TRIM24: variants seen among roughly 807,000 people sequenced by gnomAD.
TRIM24 encodes the protein transcription intermediary factor 1-alpha.
In TRIM24, 29 loss-of-function variants were observed where a neutral mutation model predicts 123.9. The observed-to-expected ratio is 0.23, with a 90% CI of 0.17 to 0.32. TRIM24 has a LOEUF of 0.32. Ranked by LOEUF, TRIM24 falls within the 10% of genes least tolerant of loss-of-function variation. TRIM24 has a pLI of 1.00. For missense variants in TRIM24, 932 were observed against 1,295.3 expected (o/e 0.72, Z 4.31); for synonymous variants, 456 against 461.1 (o/e 0.99, Z 0.14).
intron 2 of TRIM24, among the ~76,000 whole-genome samples, chr7:138,511,599 A>G (rs1317604585): frequency 1.3e-5 from 2 of 152,016 alleles, no homozygotes; most frequent in Non-Finnish European, 2.9e-5. Context: ...CATGCCACAC[A>G]CTTTTAAATG....
chr7:138,490,342 G>A lies in TRIM24; in HGVS notation c.365-13948G>A, dbSNP rs1323224925. On this transcript the variant is annotated intron_variant, in intron 1 of 18. Coordinates refer to ENST00000343526, the MANE Select transcript of TRIM24 (RefSeq NM_015905.3). Reference sequence around the variant, plus strand: ...AGTTTGTTATTACCAACCTTCTGATGCCTACTTCTGTCAACTCATCAAAGT... The same window carrying A: ...AGTTTGTTATTACCAACCTTCTGATACCTACTTCTGTCAACTCATCAAAGT... 3.9e-5 allele frequency among the ~76,000 whole-genome samples: 6 copies of A among 152,234 alleles called. No individual in the cohort carries two copies. The South Asian group carries it at 1.0e-3, about 26-fold the overall frequency.
At chr7:138,506,538 A>G (rs1005178059) in intron 2 of TRIM24, among the ~76,000 whole-genome samples, 3 of 152,252 alleles carry the variant, frequency 2.0e-5, no homozygotes, top group Admixed American at 6.5e-5. Context: ...ATAAATGTCA[A>G]TCAGATGGGA....
chr7:138,472,163 A>G (rs1795285469), intron 1 of TRIM24, among the ~76,000 whole-genome samples: 1 of 152,138 alleles, frequency 6.6e-6, no homozygotes, highest in South Asian at 2.1e-4. Flanking sequence ...GGAATGGGAT[A>G]AGGTAATACT....
chr7:138,523,476 C>A (rs573395617), intron 4 of TRIM24, among the ~76,000 whole-genome samples: 4 of 152,266 alleles, frequency 2.6e-5, no homozygotes, highest in Admixed American at 2.6e-4. Flanking sequence ...CCCCTTTTGG[C>A]CGGGCGAGGT....
intron 6 of TRIM24, 93 bp from the exon 7 acceptor site, chr7:138,538,564 A>G: frequency 1.6e-6 from 2 of 1,288,816 alleles, no homozygotes; most frequent in Non-Finnish European, 2.2e-6. Flanking sequence ...GTAATTAGAG[A>G]TTGTAGTTAT....
rs748801836 is a variant in TRIM24 at position 138,579,221 on chromosome 7, C to T, written c.2274C>T (p.Ser758=). Reference sequence around the variant, plus strand: ...TACTACAGGCCAATTATCCAAGAAGCATACTCACCTCCCTGCTCTTAAATA... The same window carrying T: ...TACTACAGGCCAATTATCCAAGAAGTATACTCACCTCCCTGCTCTTAAATA... ...SRPQNANYPR[S]ILTSLLLNSS... is the part of the protein sequence containing the mutation. Residue 758 remains serine (S), a synonymous_variant, in exon 15 of 19, where the codon AGC becomes AGT. Transcript: ENST00000343526. 6 of 1,582,296 alleles carry T rather than the reference C, an allele frequency of 3.8e-6. No individual in the cohort carries two copies. The highest frequency in any genetic ancestry group is 5.1e-6 in the Non-Finnish European group (6 of 1,165,500).
intron 1 of TRIM24, among the ~76,000 whole-genome samples, chr7:138,500,048 T>C (rs900674091): frequency 9.2e-5 from 14 of 152,186 alleles, no homozygotes; most frequent in Non-Finnish European, 1.6e-4. Context: ...CTCACTTGTG[T>C]TGTGATCTAC....
chr7:138,541,516 A>C (rs941818168), intron 7 of TRIM24, among the ~76,000 whole-genome samples: 1 of 152,188 alleles, frequency 6.6e-6, no homozygotes, highest in Non-Finnish European at 1.5e-5. Context: ...ATATATTGTA[A>C]GTAGATGTGC....
At chr7:138,553,350 CCT>C (rs1359513664) in intron 8 of TRIM24, among the ~76,000 whole-genome samples, 1 of 152,068 alleles carries the variant, frequency 6.6e-6, no homozygotes, top group Non-Finnish European at 1.5e-5. Flanking sequence ...AGTTTTACAA[CCT>C]CTCTAAACCT....
chr7:138,522,565 GA>G (rs1796525642), intron 4 of TRIM24, among the ~76,000 whole-genome samples: 1 of 151,804 alleles, frequency 6.6e-6, no homozygotes, highest in Admixed American at 6.6e-5. Context: ...TAGATTAAAG[GA>G]AAAAATTATT....
At chr7:138,485,370 A>G (rs1455618780) in intron 1 of TRIM24, among the ~76,000 whole-genome samples, 2 of 149,602 alleles carry the variant, frequency 1.3e-5, no homozygotes, top group Non-Finnish European at 3.0e-5. Context: ...TTTTTTAATT[A>G]TACTTTAAGT....
At chr7:138,513,897 C>A (rs937112483) in intron 2 of TRIM24, among the ~76,000 whole-genome samples, 1 of 152,078 alleles carries the variant, frequency 6.6e-6, no homozygotes, top group Non-Finnish European at 1.5e-5. Context: ...TTCTAGATTA[C>A]ATCCTTTTAG....
intron 1 of TRIM24, among the ~76,000 whole-genome samples, chr7:138,493,978 GTTA>G (rs111250033): frequency 3.3e-5 from 5 of 151,396 alleles, no homozygotes; most frequent in African/African-American, 4.9e-5. Flanking sequence ...TGTTGTTGTT[GTTA>G]TTATTATTAT....
intron 17 of TRIM24, 50 bp downstream of exon 17, chr7:138,581,821 T>C: frequency 1.4e-6 from 2 of 1,405,598 alleles, no homozygotes; most frequent in Non-Finnish European, 2.0e-6. Context: ...AATGCTTTTC[T>C]GGAATTTTAT....
At chr7:138,540,484 G>A (rs1317173325) in intron 7 of TRIM24, among the ~76,000 whole-genome samples, 1 of 152,130 alleles carries the variant, frequency 6.6e-6, no homozygotes, top group African/African-American at 2.4e-5. Context: ...CCACTTTTCT[G>A]TGCTCATCCA....
At chr7:138,483,986 G>A (rs1231402445) in intron 1 of TRIM24, among the ~76,000 whole-genome samples, 2 of 152,082 alleles carry the variant, frequency 1.3e-5, no homozygotes, top group Non-Finnish European at 2.9e-5. Flanking sequence ...AGTCCTCCCG[G>A]TTTTACCAGA....
intron 2 of TRIM24, among the ~76,000 whole-genome samples, chr7:138,508,604 C>T (rs930865401): frequency 6.6e-6 from 1 of 151,438 alleles, no homozygotes; most frequent in East Asian, 1.9e-4. Context: ...CTTTAGTTGC[C>T]AATTTTTAGA....
chr7:138,519,391 C>A, intron 4 of TRIM24, 70 bp downstream of exon 4: 1 of 1,504,030 alleles, frequency 6.6e-7, no homozygotes, highest in Non-Finnish European at 8.9e-7. Flanking sequence ...TGCTGCCAAC[C>A]CTCATCAAAT....
chr7:138,572,340 G>A (rs543615329), intron 11 of TRIM24, among the ~76,000 whole-genome samples: 3 of 152,076 alleles, frequency 2.0e-5, no homozygotes, highest in Non-Finnish European at 4.4e-5. Context: ...AGTCATTCTA[G>A]TACTTTTTGT....
Sources: gnomAD v4.1 joint callset for allele counts (sites outside exome capture counted in the v4.1 genomes callset) on GRCh38, gnomAD v4.1.1 for gene constraint, MANE v1.5 for transcripts, NCBI Gene and HGNC (gene_info 2026-07-23, HGNC 2026-07-21) for gene names.